The following METTL18 variants were observed in gnomAD, a reference collection of about 807,000 sequenced individuals.
METTL18 encodes the protein methyltransferase 18, RPL3 N3(tau)-histidine, also known as histidine protein methyltransferase 1 homolog.
In METTL18, 15 loss-of-function variants were observed where a neutral mutation model predicts 19.6. That is an observed-to-expected ratio of 0.77 (90% CI 0.51 to 1.18). The LOEUF is 1.18. Among genes scored for constraint, METTL18 ranks in the 50% most tolerant of loss-of-function variants. METTL18 has a pLI of 0.00. For missense variants in METTL18, 392 were observed against 418.8 expected, an observed-to-expected ratio of 0.94 and a Z score of 0.56; for synonymous variants, 131 against 145.2, an observed-to-expected ratio of 0.90 and a Z score of 0.70.
rs1441577298 is a variant in METTL18, at chr1:169,793,448, C to A, written c.248G>T (p.Ser83Ile). The change falls in exon 2 of 2, where the codon AGC becomes ATC. Residue 83 changes from serine to isoleucine, a missense_variant. Transcript: ENST00000310392. ...QDTDSPLSAASSSRNLEPHGK... is the reference protein window; with the variant it reads ...QDTDSPLSAAISSRNLEPHGK... ...ATGTGGCTCCAAGTTCCTTGAACTG[C>A]TGGCTGCACTGAGTGGACTGTCTGT... The A allele has an allele frequency of 6.2e-7, 1 of 1,614,214 alleles. No individual in the cohort carries two copies. The highest frequency in any genetic ancestry group is 8.5e-7 in the Non-Finnish European group (1 of 1,180,012).
At position 169,793,149 on chromosome 1, in the gene METTL18, T is replaced by A. The variant is rs1175238386; in HGVS notation, c.547A>T (p.Lys183Ter). 1.9e-6 allele frequency: 3 copies of A among 1,614,104 alleles called. No individual in the cohort carries two copies. The highest frequency in any genetic ancestry group is 1.3e-5 in the African/African-American group (1 of 74,940). The change falls in exon 2 of 2, where the codon AAA becomes TAA. Residue 183 changes from lysine to a stop codon, truncating the protein, a stop_gained. Coordinates refer to ENST00000310392, the MANE Select transcript of METTL18 (RefSeq NM_033418.4). LOFTEE classifies it high-confidence loss of function. ...FDLLAYFTKA[K>*]VKFAGKKVLD... ...ACTTTTTTCCCAGCAAATTTCACTT[T>A]GGCCTTTGTGAAATAAGCCAGGAGG...
In METTL18 at chr1:169,792,693, G is replaced by A; in HGVS notation, c.1003C>T (p.His335Tyr). 1 of 1,613,588 alleles carries A rather than the reference G, an allele frequency of 6.2e-7. No individual in the cohort carries two copies. Among genetic ancestry groups the A allele is most frequent in the South Asian group, 1.1e-5 (1 of 90,880 alleles). ...TCTTCTACAAACTTCTGAAAGAGAT[G>A]AACACCTCCACCTACACCAAAATAA... ...AHYFGVGGGV[H>Y]LFQKFVEERD... The change falls in exon 2 of 2, where the codon CAT becomes TAT. Residue 335 changes from histidine (H) to tyrosine (Y), a missense_variant. Transcript: ENST00000310392.
Position 169,792,601 on chromosome 1 carries a change from T to C in METTL18, c.1095A>G (p.Glu365=), listed in dbSNP as rs772427750. 8.4e-6 allele frequency: 13 copies of C among 1,556,470 alleles called. No homozygotes were observed. The highest frequency in any genetic ancestry group is 1.4e-5 in the African/African-American group (1 of 72,314). Residue 365 remains glutamate, a synonymous_variant, in exon 2 of 2, where the codon GAA becomes GAG. Coordinates refer to ENST00000310392, the MANE Select transcript of METTL18 (RefSeq NM_033418.4). ...ATTAACCAGGAAACTTAAAAGTTAT[T>C]TCAATTATGAACCTCTTCAATCCTT... ...IDEGLKRFII[E]ITFKFPG
chr1:169,793,837 A>G lies in METTL18; in HGVS notation c.-142T>C. 1 of 638,066 alleles carries G rather than the reference A, an allele frequency of 1.6e-6. No homozygotes were observed. Among genetic ancestry groups the G allele is most frequent in the Non-Finnish European group, 2.5e-6 (1 of 401,080 alleles). The allele number at this position is 638,066 out of a possible 1,614,324, so 39.5% of individuals were successfully genotyped here. A position where few individuals can be genotyped will look rare whatever the true frequency, so the allele number is the denominator to read the frequency against. ...CTTTAGCAGCTTATACATGGTAACA[A>G]ATATTTAGAGATATTTCCAAATGAC... On this transcript the variant is annotated 5_prime_UTR_variant, in exon 2 of 2. Coordinates refer to ENST00000310392, the MANE Select transcript of METTL18 (RefSeq NM_033418.4).
At position 169,792,661 on chromosome 1, in the gene METTL18, A is replaced by G. The variant is rs376178233; in HGVS notation, c.1035T>C (p.Asp345=). 3.5e-5 allele frequency: 56 copies of G among 1,611,902 alleles called. No homozygotes were observed. In the East Asian group the frequency reaches 5.8e-4, roughly 17 times the overall value. The change falls in exon 2 of 2, where the codon GAT becomes GAC. Residue 345 remains aspartate (D), a synonymous_variant. Coordinates refer to ENST00000310392, the MANE Select transcript of METTL18 (RefSeq NM_033418.4). ...TTTTGAGTATTCTGGTCTTAAAAAC[A>G]TCTCTTTCTTCTACAAACTTCTGAA... is the stretch of plus-strand genomic sequence containing the variant. The part of the protein sequence containing the change: ...HLFQKFVEER[D]VFKTRILKII...
chr1:169,794,037 G>A (rs181253765), intron 1 of METTL18, 140 bp from the exon 2 acceptor site: 2 of 192,274 alleles, frequency 1.0e-5, no homozygotes, highest in East Asian at 2.7e-4. Context: ...AAAGTTGTGG[G>A]GAAGAGAGAG....
At position 169,793,084 on chromosome 1, in the gene METTL18, A is replaced by G. The variant is rs1298982042; in HGVS notation, c.612T>C (p.Thr204=). ...TTTCTTTGGACCCTCCCTTGAATGCAGTTATACCTAGTAAACCTGATCCAC... is the reference window on the plus strand; with the variant it reads ...TTTCTTTGGACCCTCCCTTGAATGCGGTTATACCTAGTAAACCTGATCCAC... ...LGCGSGLLGI[T]AFKGGSKEIH... The change falls in exon 2 of 2, where the codon ACT becomes ACC. Residue 204 remains threonine (T), a synonymous_variant. Coordinates refer to ENST00000310392, the MANE Select transcript of METTL18 (RefSeq NM_033418.4). 6 of 1,614,058 alleles carry G rather than the reference A, an allele frequency of 3.7e-6. No homozygotes were observed. Among genetic ancestry groups the G allele is most frequent in the Non-Finnish European group, 4.2e-6 (5 of 1,180,038 alleles).
intron 1 of METTL18, 87 bp from the exon 2 acceptor site, chr1:169,793,984 C>A (rs61807814): frequency 0.094 from 24,233 of 259,028 alleles, 1,609 homozygotes; most frequent in Admixed American, 0.18. Flanking sequence ...TAAACAGCCA[C>A]CCCCACCCCT....
At chr1:169,793,956 T>G (rs2101760365) in intron 1 of METTL18, 59 bp from the exon 2 acceptor site, 1 of 338,798 alleles carries the variant, frequency 3.0e-6, no homozygotes, top group East Asian at 5.2e-5. Context: ...AATGGCACAT[T>G]TCACTAAAGT....
chr1:169,794,540 A>G (rs1336770911), intron 1 of METTL18: 1 of 153,962 alleles, frequency 6.5e-6, no homozygotes, highest in East Asian at 1.9e-4. Context: ...TTTATTGAGA[A>G]TCTTCTATCT....
rs773586025 is a variant in METTL18 at position 169,793,260 on chromosome 1, T to C, written c.436A>G (p.Ile146Val). 3.1e-6 allele frequency: 5 copies of C among 1,614,058 alleles called. No homozygotes were observed. The highest frequency in any genetic ancestry group is 3.3e-5 in the Admixed American group (2 of 59,994). ...TGAGAAGAAAAGCTTTTTGAAACTA[T>C]GTTTTCTCCAGGGAAGTTCTCTTTC... is the stretch of plus-strand genomic sequence containing the variant. ...LLKENFPGEN[I>V]VSKSFSSHSD... is the part of the protein sequence containing the mutation. Residue 146 changes from isoleucine to valine, a missense_variant, in exon 2 of 2, where the codon ATA becomes GTA. Transcript: ENST00000310392.
chr1:169,793,309 T>G lies in METTL18; in HGVS notation c.387A>C (p.Leu129Phe), dbSNP rs750062325. ...ETLPGFQHVK[L>F]SVVKTILLKE... Reference sequence around the variant, plus strand: ...TCAACAAGATGGTTTTCACTACTGATAACTTAACATGCTGGAAACCTGGTA... The same window carrying G: ...TCAACAAGATGGTTTTCACTACTGAGAACTTAACATGCTGGAAACCTGGTA... The change falls in exon 2 of 2, where the codon TTA (leucine) becomes TTC (phenylalanine). Residue 129 changes from leucine to phenylalanine, a missense_variant. Coordinates refer to ENST00000310392, the MANE Select transcript of METTL18 (RefSeq NM_033418.4). The G allele has an allele frequency of 1.9e-6, 3 of 1,613,990 alleles. No individual in the cohort carries two copies. The highest frequency in any genetic ancestry group is 3.3e-4 in the Middle Eastern group (2 of 6,062).
At position 169,792,693 on chromosome 1, in the gene METTL18, G is replaced by T. The variant is rs1427887152; in HGVS notation, c.1003C>A (p.His335Asn). Residue 335 changes from histidine (H) to asparagine (N), a missense_variant, in exon 2 of 2, where the codon CAT (histidine) becomes AAT (asparagine). Transcript: ENST00000310392. Reference sequence around the variant, plus strand: ...TCTTCTACAAACTTCTGAAAGAGATGAACACCTCCACCTACACCAAAATAA... The same window carrying T: ...TCTTCTACAAACTTCTGAAAGAGATTAACACCTCCACCTACACCAAAATAA... The part of the protein sequence containing the change: ...AHYFGVGGGV[H>N]LFQKFVEERD... 3 of 1,613,588 alleles carry T rather than the reference G, an allele frequency of 1.9e-6. No individual in the cohort carries two copies. The highest frequency in any genetic ancestry group is 1.7e-5 in the Admixed American group (1 of 59,950).
In METTL18 at chr1:169,793,279, C is replaced by G. The variant is rs754272303; in HGVS notation, c.417G>C (p.Glu139Asp). ...LSVVKTILLK[E>D]NFPGENIVSK... ...AAACTATGTTTTCTCCAGGGAAGTT[C>G]TCTTTCAACAAGATGGTTTTCACTA... The change falls in exon 2 of 2, where the codon GAG becomes GAC. Residue 139 changes from glutamate (E) to aspartate (D), a missense_variant. Glu to Asp is a conservative substitution (Grantham distance 45). Coordinates refer to ENST00000310392, the MANE Select transcript of METTL18 (RefSeq NM_033418.4). 6.2e-7 allele frequency: 1 copy of G among 1,614,074 alleles called. No homozygotes were observed. Among genetic ancestry groups the G allele is most frequent in the Non-Finnish European group, 8.5e-7 (1 of 1,180,004 alleles).
At position 169,793,669 on chromosome 1, in the gene METTL18, T is replaced by C. The variant is rs764822937; in HGVS notation, c.27A>G (p.Ile9Met). 7.5e-6 allele frequency: 12 copies of C among 1,596,866 alleles called. No homozygotes were observed. The highest frequency in any genetic ancestry group is 9.4e-6 in the Non-Finnish European group (11 of 1,172,380). MTFQFNFT[I>M]EDHLENELTP... is the part of the protein sequence containing the mutation. ...TTAATTCATTTTCCAGATGGTCTTC[T>C]ATAGTGAAATTAAACTGAAAGGTCA... The change falls in exon 2 of 2, where the codon ATA becomes ATG. Residue 9 changes from isoleucine to methionine, a missense_variant. Ile to Met is a conservative substitution (Grantham distance 10, BLOSUM62 1). Transcript: ENST00000310392.
At position 169,792,679 on chromosome 1, in the gene METTL18, CT is replaced by C. The variant is rs1650161314; in HGVS notation, c.1016del (p.Lys339SerfsTer3). 10 of 1,611,890 alleles carry C rather than the reference CT, an allele frequency of 6.2e-6. No homozygotes were observed. The highest frequency in any genetic ancestry group is 8.5e-6 in the Non-Finnish European group (10 of 1,179,368). ...TAAAAACATCTCTTTCTTCTACAAA[CT>C]TCTGAAAGAGATGAACACCTCCACC... ...GVGGGVHLFQ[K>X]FVEERDVFKT... On this transcript the variant is annotated frameshift_variant, in exon 2 of 2. Transcript: ENST00000310392. LOFTEE classifies it high-confidence loss of function.
In METTL18 at chr1:169,792,885, A is replaced by C. The variant is rs1468362495; in HGVS notation, c.811T>G (p.Ser271Ala). 3 of 1,614,012 alleles carry C rather than the reference A, an allele frequency of 1.9e-6. No homozygotes were observed. The highest frequency in any genetic ancestry group is 2.5e-6 in the Non-Finnish European group (3 of 1,180,020). Residue 271 changes from serine (S) to alanine (A), a missense_variant, in exon 2 of 2, where the codon TCT becomes GCT. Ser to Ala is a moderately conservative substitution (Grantham distance 99). Coordinates refer to ENST00000310392, the MANE Select transcript of METTL18 (RefSeq NM_033418.4). ...CTTAGTACAAGCTTACAAAACTCAG[A>C]CCACTCACCAGAAAAAAATCGGCAT... is the stretch of plus-strand genomic sequence containing the variant. ...YKCRFFSGEW[S>A]EFCKLVLSSE...
In METTL18 at chr1:169,793,846, A is replaced by G. The variant is rs1003874865; in HGVS notation, c.-151T>C. On this transcript the variant is annotated 5_prime_UTR_variant, in exon 2 of 2. Transcript: ENST00000310392. ...CTTATACATGGTAACAAATATTTAG[A>G]GATATTTCCAAATGACTTTTTAGAC... The G allele has an allele frequency of 5.2e-6, 3 of 579,108 alleles. No individual in the cohort carries two copies. Among genetic ancestry groups the G allele is most frequent in the South Asian group, 9.4e-5 (2 of 21,386 alleles). 35.9% of individuals were successfully genotyped at this position (579,108 alleles called of 1,614,324 possible). A position where few individuals can be genotyped will look rare whatever the true frequency, so the allele number is the denominator to read the frequency against.
rs750516308 is a variant in METTL18, at chr1:169,793,710, C to T, written c.-15G>A. 5 of 1,548,046 alleles carry T rather than the reference C, an allele frequency of 3.2e-6. No homozygotes were observed. Among genetic ancestry groups the T allele is most frequent in the Non-Finnish European group, 4.4e-6 (5 of 1,148,636 alleles). On this transcript the variant is annotated 5_prime_UTR_variant, in exon 2 of 2. Coordinates refer to ENST00000310392, the MANE Select transcript of METTL18 (RefSeq NM_033418.4). ...TGAAAGGTCATCCTCTTATTAAATG[C>T]ACACAATCTTTAAATTCAGATTCTT... is the stretch of plus-strand genomic sequence containing the variant.
Sources: gnomAD v4.1 joint callset for allele counts on GRCh38, gnomAD v4.1.1 for gene constraint, MANE v1.5 for transcripts, NCBI Gene and HGNC (gene_info 2026-07-23, HGNC 2026-07-21) for gene names.